The following ARHGAP26 variants were observed in gnomAD, a reference collection of about 807,000 sequenced individuals.
ARHGAP26 encodes Rho GTPase activating protein 26.
In ARHGAP26, 38 loss-of-function variants were observed where a neutral mutation model predicts 104.8. The ratio of observed to expected loss-of-function variants is 0.36; its 90% CI spans 0.28 to 0.48. The LOEUF (loss-of-function observed/expected upper bound fraction) is 0.48, where lower values mean the gene tolerates loss of function less well. Among genes scored for constraint, ARHGAP26 ranks in the 20% least tolerant of loss-of-function variants. The pLI, the probability that ARHGAP26 is intolerant of heterozygous loss-of-function variation, is 0.99. For synonymous variants in ARHGAP26, 341 were observed against 340.0 expected (o/e 1.00, Z -0.03); for missense variants, 704 against 947.9 (o/e 0.74, Z 3.38).
chr5:142,874,794 G>A (rs1477591923), intron 2 of ARHGAP26: 40 of 234,662 alleles, frequency 1.7e-4, no homozygotes, highest in East Asian at 1.5e-3. Flanking sequence ...ACTCCTAAGC[G>A]GAACTCTGCC....
At chr5:142,783,019 A>G (rs1757832464) in intron 1 of ARHGAP26, among the ~76,000 whole-genome samples, 2 of 151,004 alleles carry the variant, frequency 1.3e-5, no homozygotes, top group South Asian at 4.2e-4. Context: ...ACTCCCTTCC[A>G]TCTCACCCCA....
At chr5:143,004,016 A>G (rs1445963876) in intron 11 of ARHGAP26, among the ~76,000 whole-genome samples, 1 of 42,840 alleles carries the variant, frequency 2.3e-5, no homozygotes, top group Non-Finnish European at 8.2e-5. Flanking sequence ...AAATTTATAG[A>G]CAAAAAAAAA....
intron 20 of ARHGAP26, among the ~76,000 whole-genome samples, chr5:143,190,035 G>A (rs57882388): frequency 0.3 from 43,955 of 144,736 alleles, 7,492 homozygotes; most frequent in East Asian, 0.78. Context: ...GGAGGGGGGG[G>A]AAAAAAAAAA....
At chr5:142,924,102 T>A (rs1272352590) in intron 10 of ARHGAP26, among the ~76,000 whole-genome samples, 1 of 152,106 alleles carries the variant, frequency 6.6e-6, no homozygotes, top group African/African-American at 2.4e-5. Context: ...GACCTCGCGA[T>A]CCACCCGCCT....
At chr5:143,096,997 C>CA (rs1324866415) in intron 17 of ARHGAP26, among the ~76,000 whole-genome samples, 1 of 152,156 alleles carries the variant, frequency 6.6e-6, no homozygotes, top group Non-Finnish European at 1.5e-5. Flanking sequence ...GTAATCCCAG[C>CA]ACTTTGGGAG....
intron 7 of ARHGAP26, among the ~76,000 whole-genome samples, 180 bp from the exon 8 acceptor site, chr5:142,903,360 T>G (rs1437079414): frequency 6.6e-6 from 1 of 152,106 alleles, no homozygotes; most frequent in African/African-American, 2.4e-5. Context: ...AGTTTGAGAG[T>G]CATTCTGGTA....
chr5:142,835,779 A>C (rs1431901360), intron 1 of ARHGAP26, among the ~76,000 whole-genome samples: 2 of 152,258 alleles, frequency 1.3e-5, no homozygotes, highest in Non-Finnish European at 2.9e-5. Context: ...AAAACCCAAT[A>C]GTGGTTAGCC....
intron 20 of ARHGAP26, among the ~76,000 whole-genome samples, chr5:143,149,622 C>T (rs568126316): frequency 4.6e-5 from 7 of 152,260 alleles, no homozygotes; most frequent in East Asian, 1.9e-4. Context: ...AGAAATCTGT[C>T]GGCACACAGA....
At chr5:142,993,364 T>C (rs1243099520) in intron 11 of ARHGAP26, among the ~76,000 whole-genome samples, 1 of 151,846 alleles carries the variant, frequency 6.6e-6, no homozygotes, top group Admixed American at 6.6e-5. Flanking sequence ...AGAGATGGGG[T>C]TTCACCTTGT....
chr5:143,213,139 C>T (rs943094075), intron 21 of ARHGAP26, among the ~76,000 whole-genome samples: 4 of 152,094 alleles, frequency 2.6e-5, no homozygotes, highest in African/African-American at 7.2e-5. Context: ...AGCAAGACTC[C>T]GTCTAAACAA....
intron 11 of ARHGAP26, among the ~76,000 whole-genome samples, chr5:142,951,195 G>C (rs1338926485): frequency 6.6e-6 from 1 of 152,132 alleles, no homozygotes; most frequent in African/African-American, 2.4e-5. Context: ...GAGCAGCTGA[G>C]ATTACAGGCA....
intron 17 of ARHGAP26, among the ~76,000 whole-genome samples, chr5:143,084,150 G>C (rs907108736): frequency 6.6e-5 from 10 of 152,212 alleles, no homozygotes; most frequent in African/African-American, 4.8e-5. Flanking sequence ...TTAATGACCC[G>C]ACTGTAGGGG....
At chr5:143,148,406 A>T (rs570623610) in intron 20 of ARHGAP26, among the ~76,000 whole-genome samples, 1 of 152,214 alleles carries the variant, frequency 6.6e-6, no homozygotes. Context: ...CTTAGAAGAC[A>T]CTAAGGGCTA....
chr5:143,189,432 C>T lies in ARHGAP26; in HGVS notation c.1989-17766C>T, dbSNP rs1003907934. On this transcript the variant is annotated intron_variant, in intron 20 of 22. Coordinates refer to ENST00000645722, the MANE Select transcript of ARHGAP26 (RefSeq NM_001135608.3). ...AATCCAAATTACACCCACACACCCT[C>T]CCCACCCAGGCACCTGCTTTCACAC... Among the ~76,000 whole-genome samples, 3 of 152,276 alleles carry T rather than the reference C, an allele frequency of 2.0e-5. No homozygotes were observed. The East Asian group carries it at 5.8e-4, about 29-fold the overall frequency.
intron 5 of ARHGAP26, among the ~76,000 whole-genome samples, chr5:142,886,464 T>C (rs1757717126): frequency 6.6e-6 from 1 of 152,206 alleles, no homozygotes; most frequent in South Asian, 2.1e-4. Context: ...AGAGTAGTGA[T>C]AAGGACCATT....
At chr5:142,864,902 G>A (rs1390569804) in intron 1 of ARHGAP26, among the ~76,000 whole-genome samples, 5 of 152,236 alleles carry the variant, frequency 3.3e-5, no homozygotes, top group Non-Finnish European at 7.3e-5. Context: ...GCCAATGCGC[G>A]TCATACGCCT....
intron 20 of ARHGAP26, among the ~76,000 whole-genome samples, chr5:143,157,169 T>G (rs853172): frequency 0.23 from 32,864 of 140,134 alleles, 4,477 homozygotes; most frequent in East Asian, 0.57. Context: ...CAACACATTC[T>G]TTCTTTTTTT....
intron 18 of ARHGAP26, among the ~76,000 whole-genome samples, chr5:143,123,620 G>A (rs1480805851): frequency 2.0e-5 from 3 of 152,238 alleles, no homozygotes; most frequent in Admixed American, 6.5e-5. Context: ...GGGAGGCTAA[G>A]GTGGGAGGAT....
chr5:143,026,496 G>T (rs546437413), intron 12 of ARHGAP26, among the ~76,000 whole-genome samples: 1 of 152,104 alleles, frequency 6.6e-6, no homozygotes, highest in Non-Finnish European at 1.5e-5. Context: ...GGAGGGAAGC[G>T]TGTCAGGAGT....
Sources: allele counts gnomAD v4.1 joint callset (sites outside exome capture counted in the v4.1 genomes callset), GRCh38; gene constraint gnomAD v4.1.1; transcripts MANE v1.5; gene names NCBI Gene and HGNC (gene_info 2026-07-23, HGNC 2026-07-21).